DUSP22: variants seen among roughly 807,000 people sequenced by gnomAD.
The protein encoded by DUSP22 is dual specificity protein phosphatase 22.
Under a neutral mutation model 24.5 loss-of-function variants are expected in DUSP22, and 24 were observed. That is an observed-to-expected ratio of 0.98 (90% CI 0.71 to 1.38). The LOEUF is 1.38. Among genes scored for constraint, DUSP22 ranks in the 40% most tolerant of loss-of-function variants. The pLI is 0.00. For missense variants in DUSP22, 330 were observed against 269.2 expected, an observed-to-expected ratio of 1.23 and a Z score of -1.58; for synonymous variants, 160 against 106.4, an observed-to-expected ratio of 1.50 and a Z score of -3.10.
rs573418428 is a variant in DUSP22 at position 319,736 on chromosome 6, G to A, written c.138+7774G>A. On this transcript the variant is annotated intron_variant, in intron 3 of 6. Coordinates refer to ENST00000419235, the MANE Select transcript of DUSP22 (RefSeq NM_001286555.3). ...ACCAGTTGCTGTTTGACCTGGAATG[G>A]TTTTCAGATTGACAGTTGTTTCCAG... Among the ~76,000 whole-genome samples the A allele has an allele frequency of 2.6e-5, 4 of 152,420 alleles. No individual in the cohort carries two copies. In the South Asian group the frequency reaches 8.3e-4, roughly 32 times the overall value.
At chr6:328,050 T>A (rs1758966046) in intron 3 of DUSP22, among the ~76,000 whole-genome samples, 2 of 152,310 alleles carry the variant, frequency 1.3e-5, no homozygotes, top group South Asian at 4.1e-4. Context: ...TTGTAAGAGA[T>A]AAATTTTTCC....
intron 3 of DUSP22, among the ~76,000 whole-genome samples, chr6:328,341 C>A (rs1214513719): frequency 6.6e-6 from 1 of 152,310 alleles, no homozygotes; most frequent in African/African-American, 2.4e-5. Context: ...CTTCCCATAA[C>A]CCAGCCCGTA....
At chr6:293,995 G>A (rs1267821589) in intron 1 of DUSP22, among the ~76,000 whole-genome samples, 4 of 152,238 alleles carry the variant, frequency 2.6e-5, no homozygotes, top group African/African-American at 9.6e-5. Context: ...CATTGGTGGT[G>A]GTATCTCAGC....
At chr6:317,137 T>A (rs1023078887) in intron 3 of DUSP22, among the ~76,000 whole-genome samples, 5 of 152,426 alleles carry the variant, frequency 3.3e-5, no homozygotes, top group Admixed American at 3.3e-4. Flanking sequence ...CCTCTGGTTG[T>A]TAACTGTGTG....
intron 3 of DUSP22, among the ~76,000 whole-genome samples, chr6:318,341 A>T (rs1047211295): frequency 2.0e-5 from 3 of 152,312 alleles, no homozygotes; most frequent in African/African-American, 7.2e-5. Flanking sequence ...ACGCTGTCAC[A>T]GACTTCATGG....
chr6:313,519 A>G (rs1212816117), intron 3 of DUSP22, among the ~76,000 whole-genome samples: 1 of 152,310 alleles, frequency 6.6e-6, no homozygotes, highest in East Asian at 1.9e-4. Flanking sequence ...GACACAACAC[A>G]CTACACATTC....
chr6:346,066 C>A, intron 5 of DUSP22, 138 bp downstream of exon 5: 1 of 1,104,108 alleles, frequency 9.1e-7, no homozygotes. Flanking sequence ...ACGCGTGCTC[C>A]ATTTGTCCAG....
At chr6:329,377 C>T (rs1043129732) in intron 3 of DUSP22, among the ~76,000 whole-genome samples, 11 of 152,298 alleles carry the variant, frequency 7.2e-5, no homozygotes, top group South Asian at 2.1e-4. Context: ...GTCCTGGAGA[C>T]GGGTGAGGTG....
chr6:304,846 CT>C (rs1389923358), intron 2 of DUSP22, among the ~76,000 whole-genome samples, 185 bp downstream of exon 2: 2 of 152,300 alleles, frequency 1.3e-5, no homozygotes, highest in Non-Finnish European at 2.9e-5. Flanking sequence ...AAAACACCAA[CT>C]CCCCATTCCT....
intron 3 of DUSP22, among the ~76,000 whole-genome samples, chr6:328,187 T>C (rs1291488956): frequency 6.6e-6 from 1 of 152,308 alleles, no homozygotes; most frequent in Non-Finnish European, 1.5e-5. Context: ...TACCACGGAA[T>C]GCCTTGGTCC....
intron 1 of DUSP22, among the ~76,000 whole-genome samples, chr6:301,539 T>G (rs1261121600): frequency 6.6e-6 from 1 of 152,304 alleles, no homozygotes; most frequent in Non-Finnish European, 1.5e-5. Flanking sequence ...CCAGGAAGAA[T>G]ATGGCTTTAG....
intron 1 of DUSP22, among the ~76,000 whole-genome samples, chr6:301,514 G>T (rs1757578175): frequency 6.6e-6 from 1 of 152,300 alleles, no homozygotes. Context: ...TGAACATTTT[G>T]AGGTAGAAAA....
intron 3 of DUSP22, among the ~76,000 whole-genome samples, chr6:321,403 C>T (rs1401894641): frequency 1.3e-5 from 2 of 152,298 alleles, no homozygotes; most frequent in Non-Finnish European, 2.9e-5. Flanking sequence ...ATTTCTTTTG[C>T]AGGATGTTGT....
chr6:300,315 G>A (rs1476600509), intron 1 of DUSP22, among the ~76,000 whole-genome samples: 2 of 152,308 alleles, frequency 1.3e-5, no homozygotes, highest in Admixed American at 1.3e-4. Context: ...ACATTTGAGG[G>A]TCCACTCCTG....
intron 1 of DUSP22, among the ~76,000 whole-genome samples, chr6:299,954 A>C (rs529010466): frequency 1.3e-5 from 2 of 152,410 alleles, no homozygotes; most frequent in African/African-American, 4.8e-5. Flanking sequence ...CTGTTTGTTC[A>C]CTCATTCATT....
chr6:299,542 A>G (rs1469250559), intron 1 of DUSP22, among the ~76,000 whole-genome samples: 1 of 152,306 alleles, frequency 6.6e-6, no homozygotes, highest in Non-Finnish European at 1.5e-5. Flanking sequence ...AGAGAATCAT[A>G]CTGTGACTAC....
In DUSP22 at chr6:349,154, G is replaced by C. The variant is rs1379945725; in HGVS notation, c.*203G>C. 4 of 1,434,668 alleles carry C rather than the reference G, an allele frequency of 2.8e-6. No individual in the cohort carries two copies. In the Admixed American group the frequency reaches 8.6e-5, roughly 31 times the overall value. 88.9% of individuals were successfully genotyped at this position (1,434,668 alleles called of 1,614,324 possible). A position where few individuals can be genotyped will look rare whatever the true frequency, so the allele number is the denominator to read the frequency against. On this transcript the variant is annotated 3_prime_UTR_variant, in exon 7 of 7. Coordinates refer to ENST00000419235, the MANE Select transcript of DUSP22 (RefSeq NM_001286555.3). ...CCACCCCTACCCTGGCTGCACCTGAGCTTGCTGCCCCTGGGGATGTTGCCC... is the reference window on the plus strand; with the variant it reads ...CCACCCCTACCCTGGCTGCACCTGACCTTGCTGCCCCTGGGGATGTTGCCC...
At chr6:310,827 G>A (rs918889738) in intron 2 of DUSP22, among the ~76,000 whole-genome samples, 9 of 152,300 alleles carry the variant, frequency 5.9e-5, no homozygotes, top group African/African-American at 7.2e-5. Flanking sequence ...AAATGGTCTC[G>A]TAAATTTACC....
chr6:304,104 G>A (rs1459452033), intron 1 of DUSP22, among the ~76,000 whole-genome samples: 7 of 152,306 alleles, frequency 4.6e-5, no homozygotes, highest in Non-Finnish European at 8.8e-5. Flanking sequence ...AGTTTTCCCC[G>A]ACAGAAAGAT....
Sources: allele counts gnomAD v4.1 joint callset (sites outside exome capture counted in the v4.1 genomes callset), GRCh38; gene constraint gnomAD v4.1.1; transcripts MANE v1.5; gene names NCBI Gene and HGNC (gene_info 2026-07-23, HGNC 2026-07-21).